MALRD1: variants seen among roughly 807,000 people sequenced by gnomAD.
The protein encoded by MALRD1 is MAM and LDL receptor class A domain containing 1, also known as MAM and LDL-receptor class A domain-containing protein 1.
In MALRD1, 247 loss-of-function variants were observed where a neutral mutation model predicts 242.1. That is an observed-to-expected ratio of 1.02 (90% CI 0.92 to 1.13). MALRD1 has a LOEUF of 1.13. MALRD1 is among the 50% of genes most tolerant of loss of function. MALRD1 has a pLI of 0.00. For missense variants in MALRD1, 2,989 were observed against 2,533.1 expected, an observed-to-expected ratio of 1.18 and a Z score of -3.86; for synonymous variants, 995 against 866.6, an observed-to-expected ratio of 1.15 and a Z score of -2.60.
intron 21 of MALRD1, among the ~76,000 whole-genome samples, chr10:19,319,284 C>A (rs1842825926): frequency 6.6e-6 from 1 of 152,008 alleles, no homozygotes; most frequent in Non-Finnish European, 1.5e-5. Flanking sequence ...GTATAATCTA[C>A]CTGGAATTTA....
intron 19 of MALRD1, among the ~76,000 whole-genome samples, chr10:19,267,766 A>C (rs896429648): frequency 3.9e-5 from 6 of 151,916 alleles, no homozygotes; most frequent in African/African-American, 1.2e-4. Flanking sequence ...GACTCAGAAG[A>C]AAATACCAGA....
At chr10:19,676,963 A>C (rs951058304) in intron 36 of MALRD1, among the ~76,000 whole-genome samples, 1 of 152,194 alleles carries the variant, frequency 6.6e-6, no homozygotes, top group African/African-American at 2.4e-5. Context: ...AATGGCTTCC[A>C]GCTCCATCCA....
chr10:19,395,097 T>A (rs1478480618), intron 28 of MALRD1, among the ~76,000 whole-genome samples: 1 of 152,194 alleles, frequency 6.6e-6, no homozygotes, highest in Non-Finnish European at 1.5e-5. Context: ...CTTAGCAGTG[T>A]AATCTGCATA....
chr10:19,626,586 T>C (rs1839662337), intron 36 of MALRD1, among the ~76,000 whole-genome samples: 1 of 151,900 alleles, frequency 6.6e-6, no homozygotes, highest in South Asian at 2.1e-4. Flanking sequence ...AACTAGATAA[T>C]TGGAAAAGGG....
At position 19,156,456 on chromosome 10, in the gene MALRD1, T is replaced by C. The variant is rs74779468; in HGVS notation, c.1656+1284T>C. ...AGACAGAAAAAGAGAAAGATAGATA[T>C]AGAGCGTTTTTTTTTTTTTTTTTGA... On this transcript the variant is annotated intron_variant, in intron 12 of 39. Transcript: ENST00000454679. Among the ~76,000 whole-genome samples, 195 of 132,632 alleles carry C rather than the reference T, an allele frequency of 1.5e-3. 1 individual carries two copies. In the East Asian group the frequency reaches 0.021, roughly 14 times the overall value. The allele number at this position is 132,632 out of a possible 152,430, so 87.0% of individuals were successfully genotyped here.
At chr10:19,193,916 A>T (rs1421204595) in intron 14 of MALRD1, among the ~76,000 whole-genome samples, 1 of 152,086 alleles carries the variant, frequency 6.6e-6, no homozygotes, top group East Asian at 1.9e-4. Flanking sequence ...ACAGAAAAAA[A>T]TCACATTATT....
chr10:19,607,710 T>G, intron 34 of MALRD1, 67 bp from the exon 35 acceptor site: 69 of 1,501,338 alleles, frequency 4.6e-5, no homozygotes, highest in Non-Finnish European at 5.8e-5. Context: ...TATTTTGTTG[T>G]GAGAATTCAT....
At chr10:19,232,885 C>G (rs1468179652) in intron 18 of MALRD1, among the ~76,000 whole-genome samples, 3 of 152,122 alleles carry the variant, frequency 2.0e-5, no homozygotes, top group Non-Finnish European at 4.4e-5. Flanking sequence ...TCCAGCTTGT[C>G]CCCTCCACAC....
chr10:19,102,294 C>G (rs1390303113), intron 4 of MALRD1, among the ~76,000 whole-genome samples: 1 of 151,786 alleles, frequency 6.6e-6, no homozygotes, highest in African/African-American at 2.4e-5. Context: ...TATCTCTACA[C>G]AATAATCTTT....
At chr10:19,528,674 G>T (rs1308890368) in intron 31 of MALRD1, among the ~76,000 whole-genome samples, 1 of 152,082 alleles carries the variant, frequency 6.6e-6, no homozygotes, top group Non-Finnish European at 1.5e-5. Flanking sequence ...GTTGAAAAGA[G>T]AAATTTTCAG....
At position 19,595,355 on chromosome 10, in the gene MALRD1, A is replaced by G; in HGVS notation, c.5842A>G (p.Ser1948Gly). The change falls in exon 34 of 40, where the codon AGT becomes GGT. Residue 1948 changes from serine (S) to glycine (G), a missense_variant. Transcript: ENST00000454679. ...CPLSPTPPLCSNMEFPCSTDE... is the reference protein window; with the variant it reads ...CPLSPTPPLCGNMEFPCSTDE... ...TCTCAGCCCCACCCCTCCACTCTGT[A>G]GTAACATGGAGTTCCCGTGCTCTAC... The G allele has an allele frequency of 6.4e-7, 1 of 1,550,706 alleles. No individual in the cohort carries two copies. The highest frequency in any genetic ancestry group is 1.2e-5 in the South Asian group (1 of 84,062).
chr10:19,704,194 C>G (rs936367338), intron 38 of MALRD1, among the ~76,000 whole-genome samples: 9 of 152,020 alleles, frequency 5.9e-5, no homozygotes, highest in African/African-American at 1.9e-4. Context: ...AAGTTTAGAT[C>G]TGGAAGTATT....
At position 19,640,568 on chromosome 10, in the gene MALRD1, G is replaced by A. The variant is rs182027220; in HGVS notation, c.6137+24645G>A. ...TTGCTAATTGAGATAACATTTATTC[G>A]TGTTCCTTTCTACTCTAACCCTGTT... On this transcript the variant is annotated intron_variant, in intron 36 of 39. Transcript: ENST00000454679. Among the ~76,000 whole-genome samples the A allele has an allele frequency of 9.2e-5, 14 of 152,126 alleles. 1 individual carries two copies. Among genetic ancestry groups the A allele is most frequent in the Non-Finnish European group, 1.9e-4 (13 of 67,996 alleles).
rs773832818 is a variant in MALRD1, at chr10:19,352,053, C to T, written c.4197C>T (p.Thr1399=). 1.6e-5 allele frequency: 25 copies of T among 1,550,202 alleles called. No individual in the cohort carries two copies. In the East Asian group the frequency reaches 6.1e-4, roughly 38 times the overall value. The stretch of plus-strand genomic sequence containing the variant: ...ATGGAAATGGCATTGGGGCACTCAC[C>T]TTAATGCAGGTGTCAGTCACAAACC... ...HMYGNGIGAL[T]LMQVSVTNQT... Residue 1399 remains threonine (T), a synonymous_variant, in exon 26 of 40, where the codon ACC becomes ACT. Transcript: ENST00000454679.
chr10:19,479,655 T>G (rs997303315), intron 29 of MALRD1, among the ~76,000 whole-genome samples: 4 of 152,204 alleles, frequency 2.6e-5, no homozygotes, highest in African/African-American at 7.2e-5. Flanking sequence ...TCACATCCTT[T>G]TCATATCAGG....
At chr10:19,369,387 T>C (rs1845266531) in intron 26 of MALRD1, among the ~76,000 whole-genome samples, 1 of 81,782 alleles carries the variant, frequency 1.2e-5, no homozygotes, top group African/African-American at 6.1e-5. Context: ...TATTGAAATA[T>C]ATTTATATAT....
chr10:19,635,824 A>G (rs867422607), intron 36 of MALRD1, among the ~76,000 whole-genome samples: 6 of 152,196 alleles, frequency 3.9e-5, no homozygotes, highest in African/African-American at 1.4e-4. Context: ...CTAAAAATGC[A>G]CACCTTGTCA....
At chr10:19,448,750 A>G (rs976802362) in intron 28 of MALRD1, among the ~76,000 whole-genome samples, 2 of 151,994 alleles carry the variant, frequency 1.3e-5, no homozygotes, top group East Asian at 3.9e-4. Flanking sequence ...CAATTAAAAA[A>G]TTTTATGTAA....
chr10:19,592,780 C>CACAG (rs1837884275), intron 33 of MALRD1, among the ~76,000 whole-genome samples: 1 of 151,516 alleles, frequency 6.6e-6, no homozygotes, highest in African/African-American at 2.4e-5. Context: ...CACACACACA[C>CACAG]ACACACACAC....
Sources: allele counts gnomAD v4.1 joint callset (sites outside exome capture counted in the v4.1 genomes callset), GRCh38; gene constraint gnomAD v4.1.1; transcripts MANE v1.5; gene names NCBI Gene and HGNC (gene_info 2026-07-23, HGNC 2026-07-21).